USP30: variants seen among roughly 807,000 people sequenced by gnomAD.
USP30 encodes the protein ubiquitin carboxyl-terminal hydrolase 30.
In USP30, 41 loss-of-function variants were observed where a neutral mutation model predicts 68.2. The observed-to-expected ratio is 0.60, with a 90% confidence interval of 0.47 to 0.78. The LOEUF (loss-of-function observed/expected upper bound fraction) is 0.78, where lower values mean the gene tolerates loss of function less well. USP30 is among the 30% of genes least tolerant of loss of function. The pLI is 0.00. For synonymous variants in USP30, 229 were observed against 253.7 expected, an observed-to-expected ratio of 0.90 and a Z score of 0.93; for missense variants, 522 against 649.4, an observed-to-expected ratio of 0.80 and a Z score of 2.13.
At chr12:109,028,450 C>T (rs1429234914) in intron 3 of USP30, among the ~76,000 whole-genome samples, 13 of 147,338 alleles carry the variant, frequency 8.8e-5, no homozygotes, top group Non-Finnish European at 1.9e-4. Flanking sequence ...GGTGCCACAC[C>T]CTTTTTTTTT....
chr12:109,067,566 C>G lies in USP30; in HGVS notation c.419C>G (p.Ala140Gly). 1 of 1,614,168 alleles carries G rather than the reference C, an allele frequency of 6.2e-7. No homozygotes were observed. The highest frequency in any genetic ancestry group is 8.5e-7 in the Non-Finnish European group (1 of 1,180,022). The change falls in exon 4 of 13, where the codon GCA becomes GGA. Residue 140 changes from alanine to glycine, a missense_variant. By Grantham distance (60) the Ala-to-Gly change is moderately conservative (BLOSUM62 0). Transcript: ENST00000257548. ...GTTACTGATGATGAGGTCTTAGATG[C>G]AAGCTGCTTGTTGGATGTCTTAAGA... ...QEVTDDEVLDASCLLDVLRMY... is the reference protein window; with the variant it reads ...QEVTDDEVLDGSCLLDVLRMY...
chr12:109,084,863 TG>T, intron 11 of USP30, 89 bp from the exon 12 acceptor site: 2 of 1,373,774 alleles, frequency 1.5e-6, no homozygotes, highest in Non-Finnish European at 1.9e-6. Context: ...TGTAGCATTA[TG>T]GGGAGTTAAC....
At chr12:109,084,330 T>C (rs1351555012) in intron 11 of USP30, among the ~76,000 whole-genome samples, 6 of 152,234 alleles carry the variant, frequency 3.9e-5, no homozygotes, top group Admixed American at 3.9e-4. Flanking sequence ...TTAATTATGT[T>C]GTCTACCCAT....
In USP30 at chr12:109,084,953, TTC is replaced by T; in HGVS notation, c.1171_1172del (p.Leu391GlufsTer79). ...TGACTCGGGCCTTTTTCTCTTGCAG[TTC>T]TGAATCAGCCAGGGGCCCCCAAAAC... On this transcript the variant is annotated frameshift_variant and splice_region_variant, in exon 12 of 13. Coordinates refer to ENST00000257548, the MANE Select transcript of USP30 (RefSeq NM_032663.5). LOFTEE classifies it high-confidence loss of function. The T allele has an allele frequency of 6.3e-7, 1 of 1,589,638 alleles. No individual in the cohort carries two copies. The highest frequency in any genetic ancestry group is 8.6e-7 in the Non-Finnish European group (1 of 1,166,520).
upstream of USP30, among the ~76,000 whole-genome samples, chr12:109,048,034 A>G (rs1043282415): frequency 2.0e-5 from 3 of 151,674 alleles, no homozygotes; most frequent in Non-Finnish European, 4.4e-5. Context: ...GAGGCCGTAC[A>G]ATGAGTGATG....
intron 3 of USP30, among the ~76,000 whole-genome samples, chr12:109,044,903 G>A (rs2040591151): frequency 6.7e-6 from 1 of 149,496 alleles, no homozygotes; most frequent in African/African-American, 2.5e-5. Context: ...ACTTTTTCAT[G>A]CTTTATTAAT....
intron 3 of USP30, among the ~76,000 whole-genome samples, chr12:109,031,130 T>C (rs896718502): frequency 2.6e-5 from 4 of 152,218 alleles, no homozygotes; most frequent in Non-Finnish European, 4.4e-5. Flanking sequence ...CATCTTAATA[T>C]AGTATATTTT....
Position 109,058,064 on chromosome 12 carries a change from C to G in USP30, c.332C>G (p.Pro111Arg), listed in dbSNP as rs759662917. ...TACTCCAGGGATCAGAAGGAGCCCC[C>G]CTCACACCAGTATTTATCCTTAACA... ...SQYSRDQKEP[P>R]SHQYLSLTLL... The change falls in exon 3 of 13, where the codon CCC becomes CGC. Residue 111 changes from proline to arginine, a missense_variant. Coordinates refer to ENST00000257548, the MANE Select transcript of USP30 (RefSeq NM_032663.5). 6.2e-7 allele frequency: 1 copy of G among 1,613,970 alleles called. No homozygotes were observed. The highest frequency in any genetic ancestry group is 1.7e-5 in the Admixed American group (1 of 59,978).
chr12:109,055,394 ATATATATTTTTT>A lies in USP30; in HGVS notation c.84-1286_84-1275del, dbSNP rs200972983. Among the ~76,000 whole-genome samples the A allele has an allele frequency of 3.1e-4, 15 of 49,104 alleles. 1 individual carries two copies. Among genetic ancestry groups the A allele is most frequent in the African/African-American group, 1.1e-3 (15 of 13,150 alleles). 32.2% of individuals were successfully genotyped at this position (49,104 alleles called of 152,430 possible). ...CATATATATACATATATATATATAT[ATATATATTTTTT>A]TTTTTTTTTTTTTTGAGGCAGAGTC... On this transcript the variant is annotated intron_variant, in intron 1 of 12. Coordinates refer to ENST00000257548, the MANE Select transcript of USP30 (RefSeq NM_032663.5).
intron 7 of USP30, among the ~76,000 whole-genome samples, chr12:109,075,471 C>T (rs2041571904): frequency 6.6e-6 from 1 of 152,208 alleles, no homozygotes; most frequent in African/African-American, 2.4e-5. Flanking sequence ...CCACCACAGT[C>T]TCCCAAGTAG....
In USP30 at chr12:109,086,148, A is replaced by G; in HGVS notation, c.*217A>G. On this transcript the variant is annotated 3_prime_UTR_variant, in exon 13 of 13. Coordinates refer to ENST00000257548, the MANE Select transcript of USP30 (RefSeq NM_032663.5). ...TGTGTGTAGGTGGTTCTGTTGTGTT[A>G]AGAAAGCATTCATTATGTCCGGAGT... 1.7e-6 allele frequency: 1 copy of G among 582,360 alleles called. No homozygotes were observed. Among genetic ancestry groups the G allele is most frequent in the East Asian group, 2.9e-5 (1 of 34,444 alleles). The allele number at this position is 582,360 out of a possible 1,614,324, so 36.1% of individuals were successfully genotyped here.
intron 3 of USP30, among the ~76,000 whole-genome samples, chr12:109,043,054 G>T (rs1339057385): frequency 1.3e-5 from 2 of 151,998 alleles, no homozygotes; most frequent in Non-Finnish European, 2.9e-5. Flanking sequence ...GGAAGTGAAA[G>T]ACTTTTACAA....
At chr12:109,028,097 T>G (rs1230804479) in intron 3 of USP30, among the ~76,000 whole-genome samples, 2 of 152,208 alleles carry the variant, frequency 1.3e-5, no homozygotes. Context: ...TGGTCTGATT[T>G]GCATTTCCCT....
chr12:109,039,673 C>T (rs1051205178), intron 3 of USP30, among the ~76,000 whole-genome samples: 8 of 151,990 alleles, frequency 5.3e-5, no homozygotes, highest in African/African-American at 7.3e-5. Flanking sequence ...TTCAGTGGCA[C>T]GATCTCAGCT....
At chr12:109,030,052 A>G (rs1566074453) in intron 3 of USP30, among the ~76,000 whole-genome samples, 1 of 152,192 alleles carries the variant, frequency 6.6e-6, no homozygotes, top group Non-Finnish European at 1.5e-5. Flanking sequence ...TCTGCCACTG[A>G]ATACATGTTC....
intron 3 of USP30, among the ~76,000 whole-genome samples, chr12:109,032,831 A>G (rs969664586): frequency 7.2e-5 from 11 of 152,244 alleles, no homozygotes; most frequent in Non-Finnish European, 1.3e-4. Context: ...CCATCTGTCT[A>G]GGAAATGGGG....
At chr12:109,023,600 A>C (rs1466230935) in intron 1 of USP30, among the ~76,000 whole-genome samples, 1 of 141,348 alleles carries the variant, frequency 7.1e-6, no homozygotes, top group Non-Finnish European at 1.5e-5. Context: ...ATCCCATTTC[A>C]GCTTCTACTC....
At chr12:109,083,465 TG>T (rs1243102177) in intron 11 of USP30, among the ~76,000 whole-genome samples, 3 of 152,170 alleles carry the variant, frequency 2.0e-5, no homozygotes, top group Non-Finnish European at 1.5e-5. Context: ...GAGCCTCTTC[TG>T]GGGGTTGAAA....
upstream of USP30, among the ~76,000 whole-genome samples, chr12:109,051,249 C>CTTTTTTTTTTT (rs138942249): frequency 6.3e-5 from 4 of 63,566 alleles, no homozygotes; most frequent in East Asian, 6.0e-4. Flanking sequence ...TTACCTCTTG[C>CTTTTTTTTTTT]TTTTTTTTTT....
Sources: allele counts gnomAD v4.1 joint callset (sites outside exome capture counted in the v4.1 genomes callset), GRCh38; gene constraint gnomAD v4.1.1; transcripts MANE v1.5; gene names NCBI Gene and HGNC (gene_info 2026-07-23, HGNC 2026-07-21).